Variants in KATNIP observed in about 807,000 individuals in gnomAD.
The protein encoded by KATNIP is katanin interacting protein, also known as katanin-interacting protein.
In KATNIP, 126 loss-of-function variants were observed where a neutral mutation model predicts 174.0. The ratio of observed to expected loss-of-function variants is 0.72; its 90% CI spans 0.63 to 0.84. The LOEUF (loss-of-function observed/expected upper bound fraction) is 0.84, where lower values mean the gene tolerates loss of function less well. KATNIP is among the 40% of genes least tolerant of loss of function. The pLI is 0.00. For missense variants in KATNIP, 1,958 were observed against 2,109.7 expected, an observed-to-expected ratio of 0.93 and a Z score of 1.41; for synonymous variants, 810 against 835.7, an observed-to-expected ratio of 0.97 and a Z score of 0.53.
intron 3 of KATNIP, among the ~76,000 whole-genome samples, chr16:27,618,962 G>T (rs888444115): frequency 2.0e-5 from 3 of 152,334 alleles, no homozygotes; most frequent in African/African-American, 7.2e-5. Context: ...GACTGATTTT[G>T]TCTCTGGAAT....
At chr16:27,671,532 A>T (rs2077903393) in intron 6 of KATNIP, among the ~76,000 whole-genome samples, 1 of 152,220 alleles carries the variant, frequency 6.6e-6, no homozygotes, top group Admixed American at 6.5e-5. Context: ...GGACTAAAGG[A>T]TACATTCCTG....
chr16:27,745,452 G>GCCCAGC (rs1279273145), intron 15 of KATNIP, among the ~76,000 whole-genome samples: 3 of 152,214 alleles, frequency 2.0e-5, no homozygotes, highest in Non-Finnish European at 4.4e-5. Flanking sequence ...GAGTGACTAT[G>GCCCAGC]CCCAGCTCTT....
intron 18 of KATNIP, 27 bp downstream of exon 18, chr16:27,754,278 G>A (rs377307098): frequency 1.9e-6 from 3 of 1,598,324 alleles, no homozygotes; most frequent in Non-Finnish European, 2.6e-6. Flanking sequence ...GAGCAGTGTT[G>A]GGTGGAAGGA....
At chr16:27,582,565 CA>C (rs1392421997) in intron 2 of KATNIP, among the ~76,000 whole-genome samples, 1 of 152,144 alleles carries the variant, frequency 6.6e-6, no homozygotes, top group Non-Finnish European at 1.5e-5. Flanking sequence ...CTGATTTATG[CA>C]GGGCAAATAA....
rs373631377 is a variant in KATNIP, at chr16:27,709,044, TAC to T, written c.1605+126_1605+127del. On this transcript the variant is annotated intron_variant, in intron 13 of 27. Coordinates refer to ENST00000261588, the MANE Select transcript of KATNIP (RefSeq NM_015202.5). Reference sequence around the variant, plus strand: ...GGAAGAACAACAAAATCTGGCCAGGTACAGAGGCTCACACCTGTAATCCCAGC... The same window carrying T: ...GGAAGAACAACAAAATCTGGCCAGGTAGAGGCTCACACCTGTAATCCCAGC... 15 of 727,582 alleles carry T rather than the reference TAC, an allele frequency of 2.1e-5. No homozygotes were observed. The African/African-American group carries it at 2.6e-4, about 13-fold the overall frequency. 45.1% of individuals were successfully genotyped at this position (727,582 alleles called of 1,614,324 possible). A position where few individuals can be genotyped will look rare whatever the true frequency, so the allele number is the denominator to read the frequency against.
chr16:27,733,409 A>G (rs891969362), intron 14 of KATNIP, among the ~76,000 whole-genome samples: 2 of 152,208 alleles, frequency 1.3e-5, no homozygotes, highest in Admixed American at 1.3e-4. Context: ...TGGGCCAGGA[A>G]AGGTGTTCCC....
Position 27,703,331 on chromosome 16 carries a change from G to A in KATNIP, c.1287-565G>A, listed in dbSNP as rs773475600. On this transcript the variant is annotated intron_variant, in intron 11 of 27. Coordinates refer to ENST00000261588, the MANE Select transcript of KATNIP (RefSeq NM_015202.5). ...GGGTACCCAGCCTTAAACTGCACAC[G>A]TGGGCATGTTTGCAAATGATGAAGG... is the stretch of plus-strand genomic sequence containing the variant. 1.1e-4 allele frequency among the ~76,000 whole-genome samples: 17 copies of A among 152,130 alleles called. No homozygotes were observed. In the East Asian group the frequency reaches 1.3e-3, roughly 12 times the overall value.
chr16:27,655,301 A>G (rs1400378001), intron 6 of KATNIP, among the ~76,000 whole-genome samples: 1 of 147,252 alleles, frequency 6.8e-6, no homozygotes, highest in African/African-American at 2.5e-5. Context: ...TGGTGCAATC[A>G]TGGCTCACTG....
chr16:27,736,898 G>A (rs1299817100), intron 14 of KATNIP, among the ~76,000 whole-genome samples: 1 of 152,202 alleles, frequency 6.6e-6, no homozygotes, highest in East Asian at 1.9e-4. Context: ...AGCAGCACAC[G>A]CGGGCAAGGA....
chr16:27,628,582 C>T, intron 3 of KATNIP, 79 bp from the exon 4 acceptor site: 1 of 1,435,218 alleles, frequency 7.0e-7, no homozygotes, highest in Non-Finnish European at 9.7e-7. Flanking sequence ...GTGGGAACAG[C>T]AGTTCACTCC....
intron 14 of KATNIP, among the ~76,000 whole-genome samples, chr16:27,737,393 A>G (rs1323278111): frequency 3.3e-5 from 5 of 152,072 alleles, no homozygotes; most frequent in Admixed American, 6.5e-5. Flanking sequence ...TTAAAAAAAA[A>G]AGAGAGCATT....
chr16:27,628,022 T>C (rs1238524387), intron 3 of KATNIP, among the ~76,000 whole-genome samples: 1 of 152,218 alleles, frequency 6.6e-6, no homozygotes, highest in Non-Finnish European at 1.5e-5. Flanking sequence ...CCAAAAGATG[T>C]GATAATCCTA....
At chr16:27,572,836 A>G (rs955497183) in intron 1 of KATNIP, among the ~76,000 whole-genome samples, 4 of 152,184 alleles carry the variant, frequency 2.6e-5, no homozygotes, top group African/African-American at 9.7e-5. Context: ...CAGTGGCCTC[A>G]TTTCGAAATC....
intron 2 of KATNIP, among the ~76,000 whole-genome samples, chr16:27,577,312 C>T (rs1383273872): frequency 2.0e-5 from 3 of 152,040 alleles, no homozygotes; most frequent in South Asian, 2.1e-4. Context: ...GAGACTGAGG[C>T]GAGAAGATTG....
chr16:27,726,884 C>T (rs543623061), intron 14 of KATNIP, among the ~76,000 whole-genome samples: 1 of 152,274 alleles, frequency 6.6e-6, no homozygotes, highest in East Asian at 1.9e-4. Context: ...CAAGGAGTGT[C>T]ATGAGAGGTC....
Position 27,708,873 on chromosome 16 carries a change from A to C in KATNIP, c.1558A>C (p.Thr520Pro), listed in dbSNP as rs1597240768. The change falls in exon 13 of 28, where the codon ACA (threonine) becomes CCA (proline). Residue 520 changes from threonine (T) to proline (P), a missense_variant. Physicochemically the swap from Thr to Pro is conservative, Grantham distance 38 (BLOSUM62 -1). Around this residue, in one of 3 missense-constraint regions of KATNIP, gnomAD observed 1,557 missense variants for 1,617.8 expected, o/e 0.96. Transcript: ENST00000261588. Reference protein sequence around the residue: ...VSPHDVDIRNTATPGELGRLV... With the variant: ...VSPHDVDIRNPATPGELGRLV... Reference sequence around the variant, plus strand: ...GCCCCACGATGTGGATATCCGGAACACAGCCACGCCTGGGGAGCTGGGCCG... The same window carrying C: ...GCCCCACGATGTGGATATCCGGAACCCAGCCACGCCTGGGGAGCTGGGCCG... The C allele has an allele frequency of 6.2e-7, 1 of 1,613,972 alleles. No homozygotes were observed. Among genetic ancestry groups the C allele is most frequent in the Non-Finnish European group, 8.5e-7 (1 of 1,180,026 alleles).
At chr16:27,633,917 G>T (rs544586972) in intron 5 of KATNIP, among the ~76,000 whole-genome samples, 4 of 152,340 alleles carry the variant, frequency 2.6e-5, no homozygotes, top group African/African-American at 9.6e-5. Context: ...CTGGGGAAGG[G>T]TGTCCCTGCC....
chr16:27,757,278 T>C (rs1022392004), intron 18 of KATNIP, among the ~76,000 whole-genome samples: 1 of 152,142 alleles, frequency 6.6e-6, no homozygotes, highest in African/African-American at 2.4e-5. Flanking sequence ...AGTCAGCCAC[T>C]GTGACTCACC....
intron 1 of KATNIP, among the ~76,000 whole-genome samples, chr16:27,552,398 A>G (rs1190387115): frequency 2.0e-5 from 3 of 147,600 alleles, no homozygotes; most frequent in Non-Finnish European, 4.5e-5. Flanking sequence ...TTTTTTTGAG[A>G]AAAAGTCTCA....
Sources: allele counts gnomAD v4.1 joint callset (sites outside exome capture counted in the v4.1 genomes callset), GRCh38; gene constraint gnomAD v4.1.1; regional missense constraint gnomAD v4.1.1; transcripts MANE v1.5; gene names NCBI Gene and HGNC (gene_info 2026-07-23, HGNC 2026-07-21).